Variants in NCOA7 observed in about 807,000 individuals in gnomAD.
NCOA7 encodes 140 kDa estrogen receptor-associated protein.
Under a neutral mutation model 104.3 loss-of-function variants are expected in NCOA7, and 45 were observed. The observed-to-expected ratio is 0.43, with a 90% CI of 0.34 to 0.55. The LOEUF is 0.55. NCOA7 is among the 20% of genes least tolerant of loss of function. NCOA7 has a pLI of 0.02. For synonymous variants in NCOA7, 398 were observed against 402.3 expected (o/e 0.99, Z 0.13); for missense variants, 1,041 against 1,119.7 (o/e 0.93, Z 1.00).
chr6:125,899,632 G>A (rs1287272593), intron 10 of NCOA7, among the ~76,000 whole-genome samples: 2 of 152,112 alleles, frequency 1.3e-5, no homozygotes, highest in Non-Finnish European at 2.9e-5. Flanking sequence ...TTCCTATTTA[G>A]TATGAATTTT....
intron 10 of NCOA7, among the ~76,000 whole-genome samples, chr6:125,912,091 C>G (rs1359602978): frequency 1.3e-5 from 2 of 152,190 alleles, no homozygotes; most frequent in African/African-American, 2.4e-5. Flanking sequence ...ATAGAGAAAG[C>G]AAATCGAGGC....
chr6:125,788,793 C>T (rs1263724167), upstream of NCOA7, among the ~76,000 whole-genome samples: 4 of 151,616 alleles, frequency 2.6e-5, no homozygotes, highest in East Asian at 5.8e-4. Flanking sequence ...CCGCCCGCCT[C>T]GGCCTCCCAA....
At chr6:125,819,249 T>C (rs1777919991) in intron 2 of NCOA7, among the ~76,000 whole-genome samples, 1 of 152,176 alleles carries the variant, frequency 6.6e-6, no homozygotes, top group Admixed American at 6.5e-5. Flanking sequence ...CGTTTCGCTC[T>C]TTAACATCAA....
At chr6:125,882,615 A>G (rs1397439332) in intron 7 of NCOA7, 64 bp downstream of exon 7, 1 of 1,566,460 alleles carries the variant, frequency 6.4e-7, no homozygotes, top group Non-Finnish European at 8.7e-7. Flanking sequence ...AAAGTTACAA[A>G]TTACTGGAAC....
Position 125,874,949 on chromosome 6 carries a change from A to G in NCOA7, c.332A>G (p.His111Arg). The G allele has an allele frequency of 6.2e-7, 1 of 1,613,330 alleles. No homozygotes were observed. The highest frequency in any genetic ancestry group is 1.1e-5 in the South Asian group (1 of 91,060). Residue 111 changes from histidine to arginine, a missense_variant, in exon 4 of 16, where the codon CAT becomes CGT. His to Arg is a conservative substitution (Grantham distance 29). This residue lies in a region of NCOA7 where 914 missense variants were observed against 942.7 expected (regional missense o/e 0.97). Transcript: ENST00000392477. Reference sequence around the variant, plus strand: ...AAGAAGATGGTGGTTCAGAAGCCCCATGGGACTATGGAATACACTGTGAGT... The same window carrying G: ...AAGAAGATGGTGGTTCAGAAGCCCCGTGGGACTATGGAATACACTGTGAGT... The part of the protein sequence containing the change: ...KEKKMVVQKP[H>R]GTMEYTAGNQ...
intron 1 of NCOA7, among the ~76,000 whole-genome samples, chr6:125,792,613 CTG>C (rs1229761808): frequency 1.3e-5 from 2 of 152,084 alleles, no homozygotes; most frequent in African/African-American, 4.8e-5. Flanking sequence ...GTAGAAGTGT[CTG>C]TGATTCTTAA....
intron 2 of NCOA7, among the ~76,000 whole-genome samples, chr6:125,830,735 A>ATGTGTGTGTGTGTGTGTGTGTG (rs779830277): frequency 7.5e-6 from 1 of 133,956 alleles, no homozygotes. Flanking sequence ...ATATATATAT[A>ATGTGTGTGTGTGTGTGTGTGTG]TATGTGTGTG....
rs770852055 is a variant in NCOA7 at position 125,855,187 on chromosome 6, G to T, written c.218G>T (p.Ser73Ile). 2 of 1,612,868 alleles carry T rather than the reference G, an allele frequency of 1.2e-6. No individual in the cohort carries two copies. The highest frequency in any genetic ancestry group is 1.7e-6 in the Non-Finnish European group (2 of 1,179,854). Residue 73 changes from serine (S) to isoleucine (I), a missense_variant, in exon 3 of 16, where the codon AGT becomes ATT. Coordinates refer to ENST00000392477, the MANE Select transcript of NCOA7 (RefSeq NM_181782.5). ...YMTDEKKKRK[S>I]NQLKEIRRTE... The stretch of plus-strand genomic sequence containing the variant: ...ACTGATGAGAAAAAAAAGAGAAAAA[G>T]TAATCAGTTAAAGGAGATCAGGCGT...
chr6:125,911,613 C>T (rs1786559553), intron 10 of NCOA7, among the ~76,000 whole-genome samples: 1 of 152,182 alleles, frequency 6.6e-6, no homozygotes, highest in African/African-American at 2.4e-5. Context: ...GATGAAGGTC[C>T]ATCTTCTGTA....
intron 1 of NCOA7, among the ~76,000 whole-genome samples, chr6:125,796,459 A>G (rs1005029769): frequency 7.3e-5 from 11 of 151,132 alleles, no homozygotes; most frequent in African/African-American, 1.5e-4. Context: ...CTGATATCCA[A>G]TGGTATAGTA....
At chr6:125,805,481 C>A (rs1402500181) in intron 1 of NCOA7, among the ~76,000 whole-genome samples, 1 of 152,180 alleles carries the variant, frequency 6.6e-6, no homozygotes, top group Non-Finnish European at 1.5e-5. Context: ...CCCACCCTTA[C>A]AGGCCATTAT....
intron 1 of NCOA7, among the ~76,000 whole-genome samples, chr6:125,794,291 G>C (rs1775107578): frequency 6.6e-6 from 1 of 152,170 alleles, no homozygotes; most frequent in African/African-American, 2.4e-5. Context: ...GTGTGTTTGT[G>C]TGTGTTCTTT....
At chr6:125,860,448 A>G (rs1047388972) in intron 3 of NCOA7, among the ~76,000 whole-genome samples, 2 of 152,174 alleles carry the variant, frequency 1.3e-5, no homozygotes, top group African/African-American at 2.4e-5. Context: ...CCCAGGTTCA[A>G]GTGATTCTCA....
intron 1 of NCOA7, among the ~76,000 whole-genome samples, chr6:125,793,831 A>G (rs1173998951): frequency 1.3e-5 from 2 of 152,242 alleles, no homozygotes; most frequent in African/African-American, 4.8e-5. Context: ...GATATAGTGA[A>G]TACATAAAGA....
intron 13 of NCOA7, among the ~76,000 whole-genome samples, chr6:125,925,264 A>G (rs1442500231): frequency 2.0e-5 from 3 of 152,230 alleles, no homozygotes; most frequent in Non-Finnish European, 2.9e-5. Context: ...AGGGCACTCT[A>G]GAAAACAATG....
chr6:125,885,652 G>A (rs1486113969), intron 8 of NCOA7, among the ~76,000 whole-genome samples: 1 of 152,210 alleles, frequency 6.6e-6, no homozygotes, highest in Non-Finnish European at 1.5e-5. Flanking sequence ...AAGAAAGGCA[G>A]TTCTCTGAAA....
upstream of NCOA7, among the ~76,000 whole-genome samples, chr6:125,789,097 TAA>T (rs2128540381): frequency 6.6e-6 from 1 of 152,362 alleles, no homozygotes; most frequent in Admixed American, 6.5e-5. Flanking sequence ...CAAATTCTCC[TAA>T]GTGACTTCAA....
intron 2 of NCOA7, among the ~76,000 whole-genome samples, chr6:125,848,105 A>G (rs995894373): frequency 3.3e-5 from 5 of 152,198 alleles, no homozygotes; most frequent in East Asian, 3.8e-4. Flanking sequence ...ATGAGATACC[A>G]TCTTACGCCA....
chr6:125,875,024 G>T, intron 4 of NCOA7, 56 bp downstream of exon 4: 9 of 1,336,268 alleles, frequency 6.7e-6, no homozygotes, highest in Non-Finnish European at 9.7e-6. Flanking sequence ...TTTATATAAT[G>T]GTTTTCCCTG....
Sources: allele counts gnomAD v4.1 joint callset (sites outside exome capture counted in the v4.1 genomes callset), GRCh38; gene constraint gnomAD v4.1.1; regional missense constraint gnomAD v4.1.1; transcripts MANE v1.5; gene names NCBI Gene and HGNC (gene_info 2026-07-23, HGNC 2026-07-21).